UBE3A: variants seen among roughly 807,000 people sequenced by gnomAD.
UBE3A encodes ubiquitin-protein ligase E3A.
A neutral mutation model predicts 83.4 loss-of-function variants in UBE3A; 6 were observed. The observed-to-expected ratio is 0.07, with a 90% confidence interval of 0.04 to 0.14. UBE3A has a LOEUF of 0.14. Among genes scored for constraint, UBE3A ranks in the 10% least tolerant of loss-of-function variants. UBE3A has a pLI of 1.00. For missense variants in UBE3A, 456 were observed against 1,036.1 expected (o/e 0.44, Z 7.69); for synonymous variants, 337 against 355.4 (o/e 0.95, Z 0.58).
intron 1 of UBE3A, among the ~76,000 whole-genome samples, chr15:25,424,868 C>T (rs1284754766): frequency 6.6e-6 from 1 of 152,042 alleles, no homozygotes; most frequent in Non-Finnish European, 1.5e-5. Flanking sequence ...TTAAAGAACA[C>T]CTTAATAAAT....
intron 11 of UBE3A, chr15:25,347,363 T>G (rs2075847536): frequency 6.6e-6 from 1 of 152,120 alleles, no homozygotes; most frequent in Non-Finnish European, 1.5e-5. Context: ...TAAGTCACAT[T>G]ATCTATAATG....
rs1335898348 is a variant in UBE3A, at chr15:25,398,805, ATATATATAT to A, written c.62+6647_62+6655del. Among the ~76,000 whole-genome samples, 26 of 76,826 alleles carry A rather than the reference ATATATATAT, an allele frequency of 3.4e-4. 2 individuals are homozygous for A. The highest frequency in any genetic ancestry group is 6.0e-4 in the Non-Finnish European group (22 of 36,640). 50.4% of individuals were successfully genotyped at this position (76,826 alleles called of 152,430 possible). ...TATATATATATATATATATATATATATATATATATAAAAATACATATATATCCAAGTGTG... is the reference window on the plus strand; with the variant it reads ...TATATATATATATATATATATATATAAAAAATACATATATATCCAAGTGTG... On this transcript the variant is annotated intron_variant, in intron 4 of 12. Transcript: ENST00000648336.
At chr15:25,358,052 G>A (rs746315196) in intron 7 of UBE3A, among the ~76,000 whole-genome samples, 5 of 151,690 alleles carry the variant, frequency 3.3e-5, no homozygotes, top group African/African-American at 9.7e-5. Flanking sequence ...AGGCGCCTGC[G>A]TGGAGGCCTT....
In UBE3A at chr15:25,375,649, A is replaced by C; in HGVS notation, c.177T>G (p.Arg59=). Reference sequence around the variant, plus strand: ...TAATAGCTGCTGCATTATTATCCATACGAAGAAAAGTTGGACAGGAAGCAC... The same window carrying C: ...TAATAGCTGCTGCATTATTATCCATCCGAAGAAAAGTTGGACAGGAAGCAC... ...EFCASCPTFL[R]MDNNAAAIKA... The change falls in exon 5 of 13, where the codon CGT becomes CGG. Residue 59 remains arginine (R), a synonymous_variant. Transcript: ENST00000648336. The C allele has an allele frequency of 6.2e-7, 1 of 1,614,178 alleles. No homozygotes were observed. Among genetic ancestry groups the C allele is most frequent in the African/African-American group, 1.3e-5 (1 of 75,034 alleles).
chr15:25,377,032 A>G (rs1192494790), intron 4 of UBE3A, among the ~76,000 whole-genome samples: 1 of 152,234 alleles, frequency 6.6e-6, no homozygotes, highest in African/African-American at 2.4e-5. Flanking sequence ...CAAATTCACA[A>G]GCATGGAAAT....
chr15:25,417,010 G>A (rs772362549), intron 1 of UBE3A, among the ~76,000 whole-genome samples: 2 of 152,146 alleles, frequency 1.3e-5, no homozygotes, highest in Non-Finnish European at 2.9e-5. Context: ...GCTTGTCTGA[G>A]AAGGCAGAGA....
rs142099921 is a variant in UBE3A at position 25,364,938 on chromosome 15, G to A, written c.1609-4411C>T. Reference sequence around the variant, plus strand: ...TGGGATTACAGGTGTGAGCCACCGCGCCAGGCCAATTTTTAGGTATATTTA... The same window carrying A: ...TGGGATTACAGGTGTGAGCCACCGCACCAGGCCAATTTTTAGGTATATTTA... On this transcript the variant is annotated intron_variant, in intron 6 of 12. Transcript: ENST00000648336. Among the ~76,000 whole-genome samples, 1,492 of 152,144 alleles carry A rather than the reference G, an allele frequency of 9.8e-3. 7 individuals carry two copies. Among genetic ancestry groups the A allele is most frequent in the Non-Finnish European group, 0.016 (1,092 of 67,994 alleles).
chr15:25,386,472 G>C (rs1353302081), intron 4 of UBE3A, among the ~76,000 whole-genome samples: 1 of 152,128 alleles, frequency 6.6e-6, no homozygotes, highest in Non-Finnish European at 1.5e-5. Flanking sequence ...TGTTAAAAAA[G>C]TAGAGATGAA....
intron 1 of UBE3A, among the ~76,000 whole-genome samples, chr15:25,424,326 C>T (rs904649669): frequency 6.6e-6 from 1 of 152,158 alleles, no homozygotes; most frequent in African/African-American, 2.4e-5. Context: ...GGCTAGCTCT[C>T]TCATCTCCCT....
intron 4 of UBE3A, among the ~76,000 whole-genome samples, chr15:25,376,876 AT>A (rs2081318205): frequency 6.6e-6 from 1 of 152,184 alleles, no homozygotes; most frequent in South Asian, 2.1e-4. Flanking sequence ...TGAGGGAGGA[AT>A]TATGTGACCA....
At chr15:25,431,230 C>G (rs568106937) in intron 1 of UBE3A, among the ~76,000 whole-genome samples, 6 of 152,274 alleles carry the variant, frequency 3.9e-5, no homozygotes, top group Admixed American at 3.9e-4. Flanking sequence ...CAACATGTTA[C>G]AGAGATGGCA....
intron 7 of UBE3A, among the ~76,000 whole-genome samples, chr15:25,359,963 T>G: frequency 6.6e-6 from 1 of 152,198 alleles, no homozygotes; most frequent in East Asian, 1.9e-4. Flanking sequence ...CTAGTGTTTC[T>G]GAACTTTGAG....
intron 11 of UBE3A, among the ~76,000 whole-genome samples, chr15:25,345,249 A>T (rs770870678): frequency 3.3e-5 from 5 of 152,152 alleles, no homozygotes; most frequent in African/African-American, 4.8e-5. Flanking sequence ...TAATTTGCAG[A>T]TGATTACAAA....
intron 4 of UBE3A, among the ~76,000 whole-genome samples, chr15:25,395,141 G>A (rs1702013989): frequency 6.6e-6 from 1 of 152,128 alleles, no homozygotes; most frequent in African/African-American, 2.4e-5. Context: ...CAAGCCTTAA[G>A]ATGACAAAGA....
Position 25,371,012 on chromosome 15 carries a change from T to A in UBE3A, c.1162A>T (p.Asn388Tyr). The change falls in exon 6 of 13, where the codon AAT (asparagine) becomes TAT (tyrosine). Residue 388 changes from asparagine (N) to tyrosine (Y), a missense_variant. Asn to Tyr is a moderately radical substitution (Grantham distance 143). Transcript: ENST00000648336. This position sits in a 1 kb window ranked among gnomAD's most constrained non-coding sequence, Gnocchi z 5.3. ...ANVVGGEVDT[N>Y]HNEEDDEEPI... is the part of the protein sequence containing the mutation. ...TCTTCATCATCTTCTTCATTGTGAT[T>A]TGTGTCCACTTCCCCTCCCACTACA... The A allele has an allele frequency of 6.2e-7, 1 of 1,614,078 alleles. No individual in the cohort carries two copies. Among genetic ancestry groups the A allele is most frequent in the Non-Finnish European group, 8.5e-7 (1 of 1,179,998 alleles).
At chr15:25,428,106 A>G (rs989366711) in intron 1 of UBE3A, among the ~76,000 whole-genome samples, 3 of 152,170 alleles carry the variant, frequency 2.0e-5, no homozygotes, top group African/African-American at 4.8e-5. Flanking sequence ...CAAAGGCAGA[A>G]GAACATAACT....
chr15:25,354,111 A>G (rs146424190), intron 11 of UBE3A: 36 of 565,992 alleles, frequency 6.4e-5, no homozygotes, highest in African/African-American at 4.9e-4. Context: ...ATACTAGATA[A>G]TCCATACGCC....
chr15:25,383,057 T>C (rs1403777858), intron 4 of UBE3A, among the ~76,000 whole-genome samples: 2 of 152,140 alleles, frequency 1.3e-5, no homozygotes, highest in Non-Finnish European at 2.9e-5. Context: ...AAAATCATTT[T>C]ATGAGGTAAG....
intron 4 of UBE3A, among the ~76,000 whole-genome samples, chr15:25,392,472 A>AT (rs1483458116): frequency 6.6e-6 from 1 of 152,154 alleles, no homozygotes; most frequent in Non-Finnish European, 1.5e-5. Context: ...GGATTGAGCA[A>AT]TAACTAAATG....
Sources: gnomAD v4.1 joint callset for allele counts (sites outside exome capture counted in the v4.1 genomes callset) on GRCh38, gnomAD v4.1.1 for gene constraint, Gnocchi (gnomAD v3.1) non-coding constraint, MANE v1.5 for transcripts, NCBI Gene and HGNC (gene_info 2026-07-23, HGNC 2026-07-21) for gene names.